The following FTSJ3 variants were observed in gnomAD, a reference collection of about 807,000 sequenced individuals.
The protein encoded by FTSJ3 is FtsJ RNA 2'-O-methyltransferase 3, also known as pre-rRNA 2'-O-ribose RNA methyltransferase FTSJ3.
FTSJ3 carries 46 observed loss-of-function variants against 111.5 expected under a neutral mutation model. The ratio of observed to expected loss-of-function variants is 0.41; its 90% confidence interval spans 0.33 to 0.53. FTSJ3 has a LOEUF of 0.53. Among genes scored for constraint, FTSJ3 ranks in the 20% least tolerant of loss-of-function variants. The pLI is 0.19. For missense variants in FTSJ3, 1,075 were observed against 1,063.8 expected, an observed-to-expected ratio of 1.01 and a Z score of -0.15; for synonymous variants, 408 against 383.0, an observed-to-expected ratio of 1.07 and a Z score of -0.76.
At chr17:63,826,408 T>C (rs956177548) in intron 3 of FTSJ3, 104 bp from the exon 4 acceptor site, 23 of 1,222,642 alleles carry the variant, frequency 1.9e-5, no homozygotes, top group African/African-American at 3.0e-5. Context: ...AAGCATATCA[T>C]AGGCACGTAT....
intron 5 of FTSJ3, 199 bp downstream of exon 5, chr17:63,825,857 C>T: frequency 1.6e-6 from 1 of 631,168 alleles, no homozygotes. Flanking sequence ...CTCTGCCCTT[C>T]TCCCAATTCC....
In FTSJ3 at chr17:63,824,105, T is replaced by C. The variant is rs967209372; in HGVS notation, c.1133A>G (p.Gln378Arg). Reference protein sequence around the residue: ...LNQTLAEMKAQEVAELKRKKK... With the variant: ...LNQTLAEMKAREVAELKRKKK... ...TCACCTCTTCAATTCCGCCACCTCCTGGGCCTTCATTTCTGCCAAGGTCTG... is the reference window on the plus strand; with the variant it reads ...TCACCTCTTCAATTCCGCCACCTCCCGGGCCTTCATTTCTGCCAAGGTCTG... Residue 378 changes from glutamine to arginine, a missense_variant, in exon 12 of 21, where the codon CAG becomes CGG. Gln to Arg is a conservative substitution (Grantham distance 43). Coordinates refer to ENST00000427159, the MANE Select transcript of FTSJ3 (RefSeq NM_017647.4). 6.2e-7 allele frequency: 1 copy of C among 1,614,198 alleles called. No homozygotes were observed. Among genetic ancestry groups the C allele is most frequent in the East Asian group, 2.2e-5 (1 of 44,874 alleles).
chr17:63,825,115 A>C lies in FTSJ3; in HGVS notation c.644T>G (p.Phe215Cys), dbSNP rs373884077. 2 of 1,614,058 alleles carry C rather than the reference A, an allele frequency of 1.2e-6. No homozygotes were observed. The highest frequency in any genetic ancestry group is 2.7e-5 in the African/African-American group (2 of 74,918). Residue 215 changes from phenylalanine (F) to cysteine (C), a missense_variant, in exon 8 of 21, where the codon TTT (phenylalanine) becomes TGT (cysteine). This residue lies in a region of FTSJ3 where 867 missense variants were observed against 796.9 expected (regional missense o/e 1.09). Coordinates refer to ENST00000427159, the MANE Select transcript of FTSJ3 (RefSeq NM_017647.4). ...CTGAACTTCAACCTCCTTAAAGGCA[A>C]ATTTGGGGTCAAAGAATTTACTGTC... ...KVDSKFFDPK[F>C]AFKEVEVQAK...
chr17:63,826,587 C>T lies in FTSJ3; in HGVS notation c.153G>A (p.Leu51=). The change falls in exon 3 of 21, where the codon CTG becomes CTA. Residue 51 remains leucine (L), a synonymous_variant. Coordinates refer to ENST00000427159, the MANE Select transcript of FTSJ3 (RefSeq NM_017647.4). ...CGAACCATCCCCCTGGCGCAGCACA[C>T]AGGTCCAGCAAGGCTCGGGCTTTCT... The part of the protein sequence containing the change: ...FLQKARALLD[L]CAAPGGWLQV... The T allele has an allele frequency of 6.2e-7, 1 of 1,613,940 alleles. No homozygotes were observed.
chr17:63,821,924 A>G, intron 14 of FTSJ3, 60 bp downstream of exon 14: 1 of 1,612,562 alleles, frequency 6.2e-7, no homozygotes, highest in Non-Finnish European at 8.5e-7. Flanking sequence ...CTCTGGTAGT[A>G]CCCACCCTAA....
At chr17:63,826,028 G>C in intron 5 of FTSJ3, 28 bp downstream of exon 5, 1 of 1,549,730 alleles carries the variant, frequency 6.5e-7, no homozygotes, top group Non-Finnish European at 8.9e-7. Context: ...CCGTATAAAG[G>C]GGGAAGGAAG....
rs1169934487 is a variant in FTSJ3, at chr17:63,821,542, C to T, written c.1698G>A (p.Gln566=). 1 of 1,613,642 alleles carries T rather than the reference C, an allele frequency of 6.2e-7. No individual in the cohort carries two copies. ...ENRRKGRQQQ[Q]KQQLPQTPPS... The stretch of plus-strand genomic sequence containing the variant: ...GGGGTGTCTGTGGCAGCTGCTGCTT[C>T]TGCTGCTGCTGCCGTCCCTTCCGCC... Residue 566 remains glutamine, a synonymous_variant, in exon 16 of 21, where the codon CAG becomes CAA. Coordinates refer to ENST00000427159, the MANE Select transcript of FTSJ3 (RefSeq NM_017647.4).
chr17:63,826,723 G>A (rs368872521), intron 2 of FTSJ3, 51 bp from the exon 3 acceptor site: 2 of 1,569,982 alleles, frequency 1.3e-6, no homozygotes, highest in African/African-American at 2.7e-5. Context: ...GGATTTCTCC[G>A]GCCTCGCAAC....
In FTSJ3 at chr17:63,821,620, G is replaced by A. The variant is rs1040599735; in HGVS notation, c.1620C>T (p.Asp540=). 18 of 1,613,250 alleles carry A rather than the reference G, an allele frequency of 1.1e-5. No individual in the cohort carries two copies. Among genetic ancestry groups the A allele is most frequent in the East Asian group, 2.2e-5 (1 of 44,870 alleles). ...FSKGSFAGIE[D]DADEALEISQ... ...TGATCTCCAGGGCCTCATCGGCATC[G>A]TCCTCGATCCCAGCAAAGCTGCCCT... The change falls in exon 16 of 21, where the codon GAC becomes GAT. Residue 540 remains aspartate (D), a synonymous_variant. Coordinates refer to ENST00000427159, the MANE Select transcript of FTSJ3 (RefSeq NM_017647.4).
Position 63,820,866 on chromosome 17 carries a change from CTCTT to C in FTSJ3, c.2041_2044del (p.Lys681GlufsTer4). 1 of 1,614,056 alleles carries C rather than the reference CTCTT, an allele frequency of 6.2e-7. No individual in the cohort carries two copies. On this transcript the variant is annotated frameshift_variant, in exon 18 of 21. Transcript: ENST00000427159. LOFTEE classifies it high-confidence loss of function. The stretch of plus-strand genomic sequence containing the variant: ...GTTGAAGGAGTTATCTATGAGGTCT[CTCTT>C]GGCCTTTTTGGAAGAGGCAATAACA...
Position 63,826,104 on chromosome 17 carries a change from G to T in FTSJ3, c.252C>A (p.Pro84=). The T allele has an allele frequency of 6.2e-7, 1 of 1,613,882 alleles. No individual in the cohort carries two copies. Among genetic ancestry groups the T allele is most frequent in the Non-Finnish European group, 8.5e-7 (1 of 1,179,746 alleles). ...GVDLVPIKPL[P]NVVTLQQDIT... is the part of the protein sequence containing the mutation. ...TGTCCTGCTGGAGAGTCACCACATT[G>T]GGGAGAGGCTTGATTGGAACCAGGT... The change falls in exon 5 of 21, where the codon CCC becomes CCA. Residue 84 remains proline, a synonymous_variant. Transcript: ENST00000427159.
chr17:63,823,639 C>T, intron 13 of FTSJ3, 178 bp downstream of exon 13: 1 of 664,926 alleles, frequency 1.5e-6, no homozygotes, highest in Non-Finnish European at 2.6e-6. Flanking sequence ...ATCTACCTAA[C>T]TCATCCTTTT....
intron 3 of FTSJ3, 102 bp from the exon 4 acceptor site, chr17:63,826,406 C>G: frequency 8.1e-7 from 1 of 1,236,216 alleles, no homozygotes. Flanking sequence ...CAAAGCATAT[C>G]ATAGGCACGT....
At chr17:63,820,557 G>T (rs1297300494) in intron 18 of FTSJ3, 119 bp from the exon 19 acceptor site, 1 of 978,108 alleles carries the variant, frequency 1.0e-6, no homozygotes, top group Admixed American at 2.1e-5. Flanking sequence ...GAGGTGGGCA[G>T]ATCACCTGAG....
intron 13 of FTSJ3, 33 bp from the exon 14 acceptor site, chr17:63,822,201 T>C (rs2040058478): frequency 1.3e-6 from 2 of 1,586,812 alleles, no homozygotes; most frequent in Non-Finnish European, 1.7e-6. Flanking sequence ...GTAAACTATT[T>C]AAAAGGAAAT....
rs184161314 is a variant in FTSJ3, at chr17:63,825,879, T to A, written c.300+177A>T. On this transcript the variant is annotated intron_variant, in intron 5 of 20. Coordinates refer to ENST00000427159, the MANE Select transcript of FTSJ3 (RefSeq NM_017647.4). The stretch of plus-strand genomic sequence containing the variant: ...CTTCTCCCAATTCCAAACACCTTTA[T>A]CCCTGACTCTAAATAAAGCCTGGAG... The A allele has an allele frequency of 3.5e-4, 228 of 645,924 alleles. No homozygotes were observed. The African/African-American group carries it at 3.9e-3, about 11-fold the overall frequency. The allele number at this position is 645,924 out of a possible 1,614,324, so 40.0% of individuals were successfully genotyped here. A position where few individuals can be genotyped will look rare whatever the true frequency, so the allele number is the denominator to read the frequency against.
Position 63,820,375 on chromosome 17 carries a change from G to A in FTSJ3, c.2136C>T (p.His712=), listed in dbSNP as rs1177347123. The A allele has an allele frequency of 2.5e-6, 4 of 1,614,078 alleles. No individual in the cohort carries two copies. Among genetic ancestry groups the A allele is most frequent in the South Asian group, 1.1e-5 (1 of 91,068 alleles). Residue 712 remains histidine (H), a synonymous_variant, in exon 19 of 21, where the codon CAC becomes CAT. Coordinates refer to ENST00000427159, the MANE Select transcript of FTSJ3 (RefSeq NM_017647.4). ...TACCAACAGGCAACTGTCGTATCCG[G>A]TGCTGCTTTTCCTCTTGCACAAACC... ...PEWFVQEEKQ[H]RIRQLPVGKK...
rs565282530 is a variant in FTSJ3 at position 63,822,098 on chromosome 17, T to C, written c.1361A>G (p.Asp454Gly). 9 of 1,614,108 alleles carry C rather than the reference T, an allele frequency of 5.6e-6. No homozygotes were observed. In the African/African-American group the frequency reaches 6.7e-5, roughly 12 times the overall value. ...GTCCTCAACATCTGACACATAGATA[T>C]CATCCCTTGGCAGATCGGACAGAAA... ...DTFLSDLPRD[D>G]IYVSDVEDDG... Residue 454 changes from aspartate (D) to glycine (G), a missense_variant, in exon 14 of 21, where the codon GAT (aspartate) becomes GGT (glycine). By Grantham distance (94) the Asp-to-Gly change is moderately conservative. Coordinates refer to ENST00000427159, the MANE Select transcript of FTSJ3 (RefSeq NM_017647.4).
In FTSJ3 at chr17:63,827,427, C is replaced by A; in HGVS notation, c.-402G>T. On this transcript the variant is annotated 5_prime_UTR_variant, in exon 1 of 21. The change creates a new upstream start codon in the 5' untranslated region. Coordinates refer to ENST00000427159, the MANE Select transcript of FTSJ3 (RefSeq NM_017647.4). ...TCTGCCTGGTCTTCAGGTCCCAATCCTCCGCTTCCGCGCTTGCGCGCCAAG... is the reference window on the plus strand; with the variant it reads ...TCTGCCTGGTCTTCAGGTCCCAATCATCCGCTTCCGCGCTTGCGCGCCAAG... 6.4e-7 allele frequency: 1 copy of A among 1,551,356 alleles called. No individual in the cohort carries two copies. The highest frequency in any genetic ancestry group is 8.7e-7 in the Non-Finnish European group (1 of 1,146,714).
Sources: allele counts gnomAD v4.1 joint callset, GRCh38; gene constraint gnomAD v4.1.1; regional missense constraint gnomAD v4.1.1; transcripts MANE v1.5; gene names NCBI Gene and HGNC (gene_info 2026-07-23, HGNC 2026-07-21).